The following P2RY12 variants were observed in gnomAD, a reference collection of about 807,000 sequenced individuals.
P2RY12 encodes P2Y purinoceptor 12.
P2RY12 carries 3 observed loss-of-function variants against 4.5 expected under a neutral mutation model. That is an observed-to-expected ratio of 0.67 (90% CI 0.31 to 1.74). The LOEUF (loss-of-function observed/expected upper bound fraction) is 1.74, where lower values mean the gene tolerates loss of function less well. Ranked by LOEUF, P2RY12 falls within the 40% of genes most tolerant of loss-of-function variation. The probability of loss-of-function intolerance (pLI) is 0.09; values close to 1 mark genes in which losing one functional copy is unlikely to be tolerated. For synonymous variants in P2RY12, 148 were observed against 154.1 expected (o/e 0.96, Z 0.29); for missense variants, 356 against 407.8 (o/e 0.87, Z 1.09).
intron 1 of P2RY12, among the ~76,000 whole-genome samples, chr3:151,369,999 C>T (rs984369138): frequency 5.3e-5 from 8 of 152,078 alleles, no homozygotes; most frequent in African/African-American, 1.2e-4. Flanking sequence ...TGACCCTGAA[C>T]GAGTATATTT....
Position 151,340,013 on chromosome 3 carries a change from A to C in P2RY12, c.-15+583T>G. On this transcript the variant is annotated intron_variant, in intron 2 of 2. Coordinates refer to ENST00000302632, the MANE Select transcript of P2RY12 (RefSeq NM_022788.5). ...AATGAATGTAGCACTTAAATTCCCC[A>C]AAATGTCCATGGAATTCCTTTCTGT... Among the ~76,000 whole-genome samples, 2 of 152,190 alleles carry C rather than the reference A, an allele frequency of 1.3e-5. 1 individual carries two copies. Among genetic ancestry groups the C allele is most frequent in the Admixed American group, 1.3e-4 (2 of 15,264 alleles).
At chr3:151,368,352 T>G (rs1226192085) in intron 1 of P2RY12, 11 of 1,001,874 alleles carry the variant, frequency 1.1e-5, no homozygotes, top group Non-Finnish European at 1.4e-5. Context: ...CTTCTTAATT[T>G]TTTGGGCATG....
At chr3:151,352,778 A>C (rs1416603178) in intron 1 of P2RY12, among the ~76,000 whole-genome samples, 2 of 152,172 alleles carry the variant, frequency 1.3e-5, no homozygotes, top group Non-Finnish European at 2.9e-5. Context: ...TTTGGTTGTC[A>C]ATGGTGTATC....
intron 1 of P2RY12, among the ~76,000 whole-genome samples, chr3:151,344,562 C>T (rs943506982): frequency 6.6e-6 from 1 of 152,074 alleles, no homozygotes; most frequent in Non-Finnish European, 1.5e-5. Flanking sequence ...GTTTTTACTG[C>T]TTTTCTTAGA....
intron 1 of P2RY12, among the ~76,000 whole-genome samples, chr3:151,345,674 C>T (rs758457843): frequency 9.2e-5 from 14 of 151,800 alleles, no homozygotes; most frequent in Admixed American, 2.6e-4. Context: ...CCTGCCACCA[C>T]GCCTGGCTAG....
intron 1 of P2RY12, among the ~76,000 whole-genome samples, chr3:151,356,430 CAATG>C (rs1018843662): frequency 2.6e-4 from 40 of 152,080 alleles, no homozygotes; most frequent in African/African-American, 8.9e-4. Flanking sequence ...AAATAAAAAT[CAATG>C]AACCAATTGC....
At chr3:151,356,898 C>G (rs534901305) in intron 1 of P2RY12, among the ~76,000 whole-genome samples, 9 of 151,996 alleles carry the variant, frequency 5.9e-5, no homozygotes, top group East Asian at 5.8e-4. Context: ...AAATAACTTT[C>G]ATTTTATTAA....
Position 151,350,284 on chromosome 3 carries a change from C to A in P2RY12, c.-179-9524G>T, listed in dbSNP as rs573808295. On this transcript the variant is annotated intron_variant, in intron 1 of 2. Coordinates refer to ENST00000302632, the MANE Select transcript of P2RY12 (RefSeq NM_022788.5). ...TGAGCACAGTCTTTATCAAAGTGTT[C>A]TATGTCACTGTCAACAGAGCGTTTC... The A allele has an allele frequency of 2.8e-6, 4 of 1,411,612 alleles. No individual in the cohort carries two copies. In the African/African-American group the frequency reaches 5.7e-5, roughly 20 times the overall value. 87.4% of individuals were successfully genotyped at this position (1,411,612 alleles called of 1,614,324 possible).
At chr3:151,341,730 C>A (rs1751854072) in intron 1 of P2RY12, among the ~76,000 whole-genome samples, 1 of 151,428 alleles carries the variant, frequency 6.6e-6, no homozygotes, top group African/African-American at 2.4e-5. Flanking sequence ...CTCCCCCATC[C>A]CCCCACCCCA....
At chr3:151,354,191 T>TA (rs780120361) in intron 1 of P2RY12, among the ~76,000 whole-genome samples, 28 of 148,812 alleles carry the variant, frequency 1.9e-4, no homozygotes, top group Non-Finnish European at 3.1e-4. Context: ...AATGACATTA[T>TA]CAATCATATA....
intron 1 of P2RY12, among the ~76,000 whole-genome samples, chr3:151,373,349 TAAG>T (rs1298360271): frequency 6.6e-6 from 1 of 152,200 alleles, no homozygotes; most frequent in East Asian, 1.9e-4. Flanking sequence ...TAATTTTGAT[TAAG>T]ATGTTTCCAT....
At chr3:151,346,530 G>A (rs138396570) in intron 1 of P2RY12, among the ~76,000 whole-genome samples, 89 of 152,162 alleles carry the variant, frequency 5.8e-4, no homozygotes, top group African/African-American at 1.9e-3. Context: ...GTTCACACAT[G>A]GTTTGTCAGT....
chr3:151,356,663 G>T (rs1210427348), intron 1 of P2RY12, among the ~76,000 whole-genome samples: 1 of 151,582 alleles, frequency 6.6e-6, no homozygotes, highest in Non-Finnish European at 1.5e-5. Flanking sequence ...TTTGGTCTTT[G>T]TTATTTTCCT....
chr3:151,338,358 G>T lies in P2RY12; in HGVS notation c.488C>A (p.Thr163Asn). Residue 163 changes from threonine (T) to asparagine (N), a missense_variant, in exon 3 of 3, where the codon ACC becomes AAC. Physicochemically the swap from Thr to Asn is moderately conservative, Grantham distance 65. Coordinates refer to ENST00000302632, the MANE Select transcript of P2RY12 (RefSeq NM_022788.5). Reference protein sequence around the residue: ...FLLSLPNMILTNRQPRDKNVK... With the variant: ...FLLSLPNMILNNRQPRDKNVK... ...ATTCTTGTCTCTCGGCTGCCTGTTG[G>T]TCAGAATCATGTTAGGCAAAGAGAG... The T allele has an allele frequency of 6.2e-7, 1 of 1,614,086 alleles. No homozygotes were observed. Among genetic ancestry groups the T allele is most frequent in the Non-Finnish European group, 8.5e-7 (1 of 1,180,018 alleles).
chr3:151,376,790 T>C, intron 1 of P2RY12: 1 of 1,610,444 alleles, frequency 6.2e-7, no homozygotes, highest in Non-Finnish European at 8.5e-7. Flanking sequence ...ATTCTTTCCA[T>C]TTTTCCCAGA....
intron 1 of P2RY12, among the ~76,000 whole-genome samples, chr3:151,354,303 C>CAGTT (rs1222875457): frequency 6.6e-6 from 1 of 151,860 alleles, no homozygotes; most frequent in African/African-American, 2.4e-5. Flanking sequence ...ATTGTTAGAA[C>CAGTT]AGTTAAGAAG....
At chr3:151,374,792 A>G (rs1756624066) in intron 1 of P2RY12, among the ~76,000 whole-genome samples, 1 of 152,086 alleles carries the variant, frequency 6.6e-6, no homozygotes. Context: ...GCTATAGAAT[A>G]GCTTACTTTC....
chr3:151,365,939 G>T, intron 1 of P2RY12: 1 of 1,613,224 alleles, frequency 6.2e-7, no homozygotes, highest in Non-Finnish European at 8.5e-7. Context: ...AAGGCTCTTT[G>T]TTGTTCTTCA....
At chr3:151,364,974 C>G (rs372078738) in intron 1 of P2RY12, 100 of 1,605,032 alleles carry the variant, frequency 6.2e-5, no homozygotes, top group Non-Finnish European at 7.8e-5. Context: ...TTCTTATAAC[C>G]TCAGTAGTGC....
Sources: allele counts gnomAD v4.1 joint callset (sites outside exome capture counted in the v4.1 genomes callset), GRCh38; gene constraint gnomAD v4.1.1; transcripts MANE v1.5; gene names NCBI Gene and HGNC (gene_info 2026-07-23, HGNC 2026-07-21).